YWHAZ: variants seen among roughly 807,000 people sequenced by gnomAD.
The protein encoded by YWHAZ is 14-3-3 protein zeta/delta.
For missense variants in YWHAZ, 79 were observed against 284.8 expected, an observed-to-expected ratio of 0.28 and a Z score of 5.20; for synonymous variants, 87 against 103.6, an observed-to-expected ratio of 0.84 and a Z score of 0.97.
rs1554611375 is a variant in YWHAZ, at chr8:100,918,408, T to TTTTATATATATATATATATA, written c.*2284_*2285insTATATATATATATATATAAA. ...AGTCTAGCTATAAAATATAATTACT[T>TTTTATATATATATATATATA]TATATATATATATATATATATATAT... On this transcript the variant is annotated 3_prime_UTR_variant, in exon 6 of 6. Transcript: ENST00000395958. The TTTTATATATATATATATATA allele has an allele frequency of 2.4e-5, 1 of 41,880 alleles. No homozygotes were observed. Among genetic ancestry groups the TTTTATATATATATATATATA allele is most frequent in the Non-Finnish European group, 4.8e-5 (1 of 20,796 alleles). The allele number at this position is 41,880 out of a possible 1,614,324, so 2.6% of individuals were successfully genotyped here.
At chr8:100,951,422 G>A (rs1369027535) in intron 1 of YWHAZ, 4 of 981,594 alleles carry the variant, frequency 4.1e-6, no homozygotes, top group South Asian at 4.7e-5. Flanking sequence ...GAAAGGAGGG[G>A]GCGGCCGAGG....
At chr8:100,927,603 C>T (rs1333509835) in intron 2 of YWHAZ, among the ~76,000 whole-genome samples, 1 of 152,144 alleles carries the variant, frequency 6.6e-6, no homozygotes, top group Non-Finnish European at 1.5e-5. Flanking sequence ...GAGATGAAGG[C>T]CATAAACACA....
chr8:100,942,807 T>G lies in YWHAZ; in HGVS notation c.294+5789A>C, dbSNP rs1352284152. On this transcript the variant is annotated intron_variant, in intron 2 of 5. Transcript: ENST00000395958. ...AATCAGCATTTTAGAAAGATTAGAA[T>G]AAGAAATACATGCAACATAGAACTG... 2.0e-5 allele frequency among the ~76,000 whole-genome samples: 3 copies of G among 152,124 alleles called. No homozygotes were observed. In the South Asian group the frequency reaches 6.2e-4, roughly 32 times the overall value.
chr8:100,920,802 G>GGA, intron 5 of YWHAZ, 50 bp from the exon 6 acceptor site: 1 of 830,144 alleles, frequency 1.2e-6, no homozygotes, highest in Non-Finnish European at 1.8e-6. Context: ...GGATGGGGGG[G>GGA]GGGGGGCGTT....
intron 2 of YWHAZ, among the ~76,000 whole-genome samples, chr8:100,933,500 T>A (rs76953856): frequency 0.062 from 9,501 of 152,132 alleles, 411 homozygotes; most frequent in East Asian, 0.15. Flanking sequence ...AAATATATAT[T>A]TTTTTTGCCA....
intron 2 of YWHAZ, among the ~76,000 whole-genome samples, chr8:100,944,415 A>G (rs1327542483): frequency 6.6e-6 from 1 of 152,156 alleles, no homozygotes; most frequent in Non-Finnish European, 1.5e-5. Context: ...ATAAAATAGA[A>G]CTCAGTCAAA....
intron 2 of YWHAZ, among the ~76,000 whole-genome samples, chr8:100,945,318 C>T (rs1446191022): frequency 1.3e-5 from 2 of 152,076 alleles, no homozygotes; most frequent in Admixed American, 1.3e-4. Flanking sequence ...TACATATAAC[C>T]AGAATGGGTT....
intron 1 of YWHAZ, chr8:100,950,348 C>T: frequency 1.0e-6 from 1 of 983,480 alleles, no homozygotes; most frequent in Non-Finnish European, 1.2e-6. Context: ...GTAACGAGTG[C>T]TCCAAGGCCT....
chr8:100,934,034 T>C (rs1281426752), intron 2 of YWHAZ, among the ~76,000 whole-genome samples: 1 of 151,708 alleles, frequency 6.6e-6, no homozygotes, highest in African/African-American at 2.4e-5. Context: ...GGTGCACACC[T>C]GTAATCCCAG....
At position 100,950,893 on chromosome 8, in the gene YWHAZ, C is replaced by T. The variant is rs185741158; in HGVS notation, c.-12+1036G>A. The T allele has an allele frequency of 7.0e-3, 1,136 of 161,750 alleles. 8 individuals are homozygous for T. The highest frequency in any genetic ancestry group is 0.011 in the Non-Finnish European group (852 of 76,624). 10.0% of individuals were successfully genotyped at this position (161,750 alleles called of 1,614,324 possible). ...ACCCAGCCGAGCGGGCCACCAGCGG[C>T]TATGCTCAGGCTCACCCGCCCCCAA... On this transcript the variant is annotated intron_variant, in intron 1 of 5. Transcript: ENST00000395958.
Position 100,919,212 on chromosome 8 carries a change from G to A in YWHAZ, c.*1481C>T, listed in dbSNP as rs1310196822. The A allele has an allele frequency of 6.6e-6, 1 of 152,542 alleles. No homozygotes were observed. The highest frequency in any genetic ancestry group is 1.9e-4 in the East Asian group (1 of 5,196). The allele number at this position is 152,542 out of a possible 1,614,324, so 9.4% of individuals were successfully genotyped here. A position where few individuals can be genotyped will look rare whatever the true frequency, so the allele number is the denominator to read the frequency against. On this transcript the variant is annotated 3_prime_UTR_variant, in exon 6 of 6. Coordinates refer to ENST00000395958, the MANE Select transcript of YWHAZ (RefSeq NM_145690.3). The stretch of plus-strand genomic sequence containing the variant: ...GTGACAAGACAGAAGGCTAAAACAG[G>A]AAGGTAATCTTGTGCACCTGACAAA...
Position 100,920,655 on chromosome 8 carries a change from A to T in YWHAZ, c.*38T>A, listed in dbSNP as rs1327508868. 6.5e-7 allele frequency: 1 copy of T among 1,547,614 alleles called. No homozygotes were observed. Among genetic ancestry groups the T allele is most frequent in the South Asian group, 1.1e-5 (1 of 89,522 alleles). ...ATGGATGACAAATGGTCTACTGTGT[A>T]AATTTTAGAATGAGGCAGACAAAAG... On this transcript the variant is annotated 3_prime_UTR_variant, in exon 6 of 6. Coordinates refer to ENST00000395958, the MANE Select transcript of YWHAZ (RefSeq NM_145690.3).
upstream of YWHAZ, chr8:100,952,619 T>A (rs1238691408): frequency 7.9e-6 from 2 of 253,438 alleles, no homozygotes; most frequent in Middle Eastern, 2.0e-3. Flanking sequence ...CGGTAGTAAC[T>A]GCCCCAGGGC....
At chr8:100,928,945 T>C (rs1813567233) in intron 2 of YWHAZ, among the ~76,000 whole-genome samples, 1 of 152,040 alleles carries the variant, frequency 6.6e-6, no homozygotes, top group Non-Finnish European at 1.5e-5. Context: ...ATGAGAAAAC[T>C]TATGAGTGGT....
intron 2 of YWHAZ, among the ~76,000 whole-genome samples, chr8:100,944,926 C>T (rs1344971035): frequency 6.6e-6 from 1 of 152,138 alleles, no homozygotes; most frequent in Non-Finnish European, 1.5e-5. Context: ...TTATTCACCT[C>T]GACATACTTC....
chr8:100,937,368 G>C (rs1471090127), intron 2 of YWHAZ, among the ~76,000 whole-genome samples: 1 of 150,244 alleles, frequency 6.7e-6, no homozygotes, highest in Non-Finnish European at 1.5e-5. Flanking sequence ...TGATACATTT[G>C]TAAAGAAAAA....
chr8:100,940,572 A>T (rs1339483216), intron 2 of YWHAZ, among the ~76,000 whole-genome samples: 1 of 152,252 alleles, frequency 6.6e-6, no homozygotes, highest in Non-Finnish European at 1.5e-5. Flanking sequence ...TTAAATAAAA[A>T]ATTTCAGCTT....
chr8:100,935,587 C>T (rs935282174), intron 2 of YWHAZ, among the ~76,000 whole-genome samples: 8 of 152,140 alleles, frequency 5.3e-5, no homozygotes, highest in Admixed American at 4.6e-4. Flanking sequence ...TCAGAAACAG[C>T]AGCAAAGGGG....
In YWHAZ at chr8:100,924,806, T is replaced by C; in HGVS notation, c.418+110A>G. On this transcript the variant is annotated intron_variant, in intron 3 of 5. Transcript: ENST00000395958. This position sits in a 1 kb window ranked among gnomAD's most constrained non-coding sequence, Gnocchi z 5.7. ...AGAACACAAAGAGCACTGCTACTCC[T>C]TATTCGGCACTCTAAGCAATTCAAA... 1 of 1,402,814 alleles carries C rather than the reference T, an allele frequency of 7.1e-7. No individual in the cohort carries two copies. Among genetic ancestry groups the C allele is most frequent in the Admixed American group, 2.1e-5 (1 of 48,258 alleles). 86.9% of individuals were successfully genotyped at this position (1,402,814 alleles called of 1,614,324 possible).
Sources: allele counts gnomAD v4.1 joint callset (sites outside exome capture counted in the v4.1 genomes callset), GRCh38; gene constraint gnomAD v4.1.1; non-coding constraint Gnocchi (gnomAD v3.1); transcripts MANE v1.5; gene names NCBI Gene and HGNC (gene_info 2026-07-23, HGNC 2026-07-21).